The following WDFY4 variants were observed in gnomAD, a reference collection of about 807,000 sequenced individuals.
The protein encoded by WDFY4 is WDFY family member 4.
Under a neutral mutation model 351.9 loss-of-function variants are expected in WDFY4, and 169 were observed. That is an observed-to-expected ratio of 0.48 (90% CI 0.42 to 0.55). WDFY4 has a LOEUF of 0.55. Among genes scored for constraint, WDFY4 ranks in the 20% least tolerant of loss-of-function variants. The probability of loss-of-function intolerance (pLI) is 0.00; values close to 1 mark genes in which losing one functional copy is unlikely to be tolerated. For missense variants in WDFY4, 3,803 were observed against 3,935.6 expected (o/e 0.97, Z 0.90); for synonymous variants, 1,622 against 1,574.6 (o/e 1.03, Z -0.71).
At chr10:48,704,071 C>A (rs556782290) in intron 1 of WDFY4, among the ~76,000 whole-genome samples, 2 of 152,204 alleles carry the variant, frequency 1.3e-5, no homozygotes, top group South Asian at 4.1e-4. Flanking sequence ...TACACACAAC[C>A]CACAGACTCT....
intron 44 of WDFY4, among the ~76,000 whole-genome samples, chr10:48,891,048 G>T (rs2070675368): frequency 6.6e-6 from 1 of 152,224 alleles, no homozygotes; most frequent in African/African-American, 2.4e-5. Context: ...TCAACGACAT[G>T]TTAGTTGCTC....
intron 47 of WDFY4, among the ~76,000 whole-genome samples, chr10:48,922,484 T>C (rs1839171820): frequency 6.6e-6 from 1 of 152,246 alleles, no homozygotes. Context: ...ACAGCAAGAA[T>C]GAATCTTCTA....
chr10:48,976,974 G>A lies in WDFY4; in HGVS notation c.9286G>A (p.Val3096Ile). The A allele has an allele frequency of 6.9e-7, 1 of 1,454,716 alleles. No homozygotes were observed. The highest frequency in any genetic ancestry group is 1.4e-5 in the South Asian group (1 of 69,952). 90.1% of individuals were successfully genotyped at this position (1,454,716 alleles called of 1,614,324 possible). A position where few individuals can be genotyped will look rare whatever the true frequency, so the allele number is the denominator to read the frequency against. Residue 3096 changes from valine (V) to isoleucine (I), a missense_variant, in exon 59 of 62, where the codon GTC (valine) becomes ATC (isoleucine). Physicochemically the swap from Val to Ile is conservative, Grantham distance 29. Coordinates refer to ENST00000325239, the MANE Select transcript of WDFY4 (RefSeq NM_001394531.1). Reference sequence around the variant, plus strand: ...CATCACCGGGAGTCAAGACGGCATGGTCCGGGTAGGTGTGTCTTGGGCAGA... The same window carrying A: ...CATCACCGGGAGTCAAGACGGCATGATCCGGGTAGGTGTGTCTTGGGCAGA... Reference protein sequence around the residue: ...IIITGSQDGMVRVWKTEDVKM... With the variant: ...IIITGSQDGMIRVWKTEDVKM...
At chr10:48,805,535 C>G in intron 26 of WDFY4, 114 bp downstream of exon 26, 1 of 1,396,706 alleles carries the variant, frequency 7.2e-7, no homozygotes, top group Non-Finnish European at 9.4e-7. Context: ...TTGGAACCTT[C>G]TAGGAATTTT....
chr10:48,937,407 C>G (rs563319205), intron 47 of WDFY4, among the ~76,000 whole-genome samples: 14 of 152,340 alleles, frequency 9.2e-5, no homozygotes, highest in African/African-American at 3.1e-4. Flanking sequence ...GGAGCAAGAT[C>G]TGGTCCTGGC....
At chr10:48,693,659 C>A (rs1482378005) in intron 1 of WDFY4, among the ~76,000 whole-genome samples, 1 of 152,186 alleles carries the variant, frequency 6.6e-6, no homozygotes. Flanking sequence ...AGCATCTATT[C>A]TAAACGCTTC....
In WDFY4 at chr10:48,832,647, C is replaced by A. The variant is rs888119757; in HGVS notation, c.6601C>A (p.Leu2201Met). The change falls in exon 39 of 62, where the codon CTG (leucine) becomes ATG (methionine). Residue 2201 changes from leucine to methionine, a missense_variant. This residue lies in a region of WDFY4 where 3,054 missense variants were observed against 3,148.6 expected (regional missense o/e 0.97). Transcript: ENST00000325239. ...CAAAGTCACTTTGTGGAGTGGAAGC[C>A]TGTCCTCAGCCATGAAGCTGATGCC... is the stretch of plus-strand genomic sequence containing the variant. Reference protein sequence around the residue: ...HSKVTLWSGSLSSAMKLMPGR... With the variant: ...HSKVTLWSGSMSSAMKLMPGR... 5.2e-5 allele frequency: 80 copies of A among 1,550,996 alleles called. No homozygotes were observed. Among genetic ancestry groups the A allele is most frequent in the Non-Finnish European group, 6.7e-5 (77 of 1,146,626 alleles).
At chr10:48,817,641 A>G (rs961424405) in intron 32 of WDFY4, among the ~76,000 whole-genome samples, 4 of 152,396 alleles carry the variant, frequency 2.6e-5, no homozygotes, top group African/African-American at 9.6e-5. Flanking sequence ...TAAGAATCTC[A>G]GTAATGAGAA....
At chr10:48,953,333 T>TCTCTCTCTCTCTCTCA (rs771339557) in intron 51 of WDFY4, among the ~76,000 whole-genome samples, 2 of 128,234 alleles carry the variant, frequency 1.6e-5, no homozygotes, top group Admixed American at 7.9e-5. Context: ...TCTCTCTCTC[T>TCTCTCTCTCTCTCTCA]CACACACACA....
At chr10:48,854,068 A>T (rs1047570648) in intron 39 of WDFY4, among the ~76,000 whole-genome samples, 1 of 151,560 alleles carries the variant, frequency 6.6e-6, no homozygotes, top group South Asian at 2.1e-4. Flanking sequence ...CTCATAGAGC[A>T]TTTTCTTTAA....
chr10:48,976,818 G>A lies in WDFY4; in HGVS notation c.9130G>A (p.Gly3044Arg), dbSNP rs1842589999. 2 of 1,491,576 alleles carry A rather than the reference G, an allele frequency of 1.3e-6. No homozygotes were observed. The highest frequency in any genetic ancestry group is 1.8e-6 in the Non-Finnish European group (2 of 1,113,864). 92.4% of individuals were successfully genotyped at this position (1,491,576 alleles called of 1,614,324 possible). Residue 3044 changes from glycine to arginine, a missense_variant, in exon 59 of 62, where the codon GGA (glycine) becomes AGA (arginine). Physicochemically the swap from Gly to Arg is moderately radical, Grantham distance 125 (BLOSUM62 -2). Around this residue, in one of 3 missense-constraint regions of WDFY4, gnomAD observed 3,054 missense variants for 3,148.6 expected, o/e 0.97. Coordinates refer to ENST00000325239, the MANE Select transcript of WDFY4 (RefSeq NM_001394531.1). The stretch of plus-strand genomic sequence containing the variant: ...ACAGGGCACCATTGTCTCCTGTGCG[G>A]GAGCACACTTGTCCCTGTGGAATGT... ...DVSGTIVSCA[G>R]AHLSLWNVNG...
At chr10:48,823,074 G>C (rs888104332) in intron 35 of WDFY4, 1 of 1,220,572 alleles carries the variant, frequency 8.2e-7, no homozygotes, top group African/African-American at 1.6e-5. Context: ...ATGCATACCT[G>C]TAGGGCCATC....
chr10:48,718,308 C>T (rs2063971740), intron 2 of WDFY4, among the ~76,000 whole-genome samples: 1 of 152,054 alleles, frequency 6.6e-6, no homozygotes, highest in Non-Finnish European at 1.5e-5. Context: ...TTGTGGCTTG[C>T]CTTTTCACTT....
intron 22 of WDFY4, 105 bp from the exon 23 acceptor site, chr10:48,790,622 G>A (rs762043937): frequency 5.0e-5 from 65 of 1,308,220 alleles, no homozygotes; most frequent in Non-Finnish European, 5.9e-5. Flanking sequence ...GGCTGTGGAT[G>A]GATGGTGGCA....
intron 1 of WDFY4, among the ~76,000 whole-genome samples, chr10:48,698,902 C>T (rs2063403030): frequency 6.6e-6 from 1 of 152,190 alleles, no homozygotes; most frequent in African/African-American, 2.4e-5. Context: ...AGTTTGAAAT[C>T]TTCAGAGTGG....
At chr10:48,777,946 A>G (rs2066088115) in intron 17 of WDFY4, among the ~76,000 whole-genome samples, 1 of 152,250 alleles carries the variant, frequency 6.6e-6, no homozygotes, top group Non-Finnish European at 1.5e-5. Flanking sequence ...TGAGATGGAC[A>G]CATTACCTGC....
chr10:48,826,654 T>A lies in WDFY4; in HGVS notation c.5983-17T>A, dbSNP rs2068021345. The stretch of plus-strand genomic sequence containing the variant: ...ACTCACAAGTTTGTGTATGTGTATG[T>A]TTTTTTAATGACACAGGTCATTGAG... On this transcript the variant is annotated splice_polypyrimidine_tract_variant and intron_variant, in intron 35 of 61. Transcript: ENST00000325239. 1.3e-6 allele frequency: 2 copies of A among 1,534,368 alleles called. No homozygotes were observed. Among genetic ancestry groups the A allele is most frequent in the Non-Finnish European group, 1.8e-6 (2 of 1,131,772 alleles).
chr10:48,876,587 T>G (rs1357389519), intron 42 of WDFY4, among the ~76,000 whole-genome samples: 1 of 132,420 alleles, frequency 7.6e-6, no homozygotes, highest in African/African-American at 3.2e-5. Context: ...TTCTCACAAC[T>G]TCATATCTTT....
intron 39 of WDFY4, among the ~76,000 whole-genome samples, chr10:48,842,969 T>G (rs2068659713): frequency 6.6e-6 from 1 of 152,246 alleles, no homozygotes; most frequent in African/African-American, 2.4e-5. Context: ...AAAGTTGGTT[T>G]GCTTTTGGCA....
Sources: allele counts gnomAD v4.1 joint callset (sites outside exome capture counted in the v4.1 genomes callset), GRCh38; gene constraint gnomAD v4.1.1; regional missense constraint gnomAD v4.1.1; transcripts MANE v1.5; gene names NCBI Gene and HGNC (gene_info 2026-07-23, HGNC 2026-07-21).